The following TRAPPC9 variants were observed in gnomAD, a reference collection of about 807,000 sequenced individuals.
The protein encoded by TRAPPC9 is IKK2 binding protein.
TRAPPC9 carries 83 observed loss-of-function variants against 124.0 expected under a neutral mutation model. That is an observed-to-expected ratio of 0.67 (90% CI 0.56 to 0.80). The LOEUF is 0.80. Ranked by LOEUF, TRAPPC9 falls within the 30% of genes least tolerant of loss-of-function variation. The pLI is 0.00. For synonymous variants in TRAPPC9, 638 were observed against 617.5 expected (o/e 1.03, Z -0.49); for missense variants, 1,302 against 1,508.3 (o/e 0.86, Z 2.27).
chr8:140,296,503 C>A (rs894277012), intron 11 of TRAPPC9, among the ~76,000 whole-genome samples: 1 of 152,164 alleles, frequency 6.6e-6, no homozygotes, highest in Non-Finnish European at 1.5e-5. Context: ...TGGGCTCAAG[C>A]AATCCACCAG....
chr8:139,824,511 A>G (rs1825486438), intron 21 of TRAPPC9, among the ~76,000 whole-genome samples: 1 of 152,174 alleles, frequency 6.6e-6, no homozygotes, highest in Non-Finnish European at 1.5e-5. Flanking sequence ...CACCCGTTTT[A>G]AGGGATTTAA....
At chr8:140,361,436 A>T (rs1396055957) in intron 8 of TRAPPC9, among the ~76,000 whole-genome samples, 1 of 152,228 alleles carries the variant, frequency 6.6e-6, no homozygotes, top group African/African-American at 2.4e-5. Context: ...CTCGATGAGA[A>T]GGGGGCCACG....
At chr8:139,871,330 T>C (rs540973320) in intron 21 of TRAPPC9, among the ~76,000 whole-genome samples, 1 of 152,314 alleles carries the variant, frequency 6.6e-6, no homozygotes, top group East Asian at 1.9e-4. Flanking sequence ...ACCTGCTACT[T>C]GCCACTCTAT....
rs1293571071 is a variant in TRAPPC9 at position 139,861,897 on chromosome 8, G to A, written c.3055+23982C>T. Among the ~76,000 whole-genome samples, 3 of 134,122 alleles carry A rather than the reference G, an allele frequency of 2.2e-5. No individual in the cohort carries two copies. The South Asian group carries it at 8.3e-4, about 37-fold the overall frequency. 88.0% of individuals were successfully genotyped at this position (134,122 alleles called of 152,430 possible). ...CTGGGGCCTCCCAGGTAGACCAAGG[G>A]TGAAATGGTCACCTCCCTGGAAAGG... On this transcript the variant is annotated intron_variant, in intron 21 of 22. Transcript: ENST00000438773.
At chr8:139,913,739 G>C (rs1040327255) in intron 19 of TRAPPC9, among the ~76,000 whole-genome samples, 1 of 152,170 alleles carries the variant, frequency 6.6e-6, no homozygotes, top group African/African-American at 2.4e-5. Context: ...CCAAGAAATC[G>C]AGTGACTCAC....
intron 17 of TRAPPC9, among the ~76,000 whole-genome samples, chr8:140,159,945 CAAATTTATAAGAAA>C (rs1017251506): frequency 1.1e-4 from 16 of 151,890 alleles, no homozygotes; most frequent in African/African-American, 3.9e-4. Context: ...CGAACTTAAA[CAAATTTATAAGAAA>C]AAAACAACCC....
At chr8:140,456,926 G>T in intron 1 of TRAPPC9, 1 of 689,228 alleles carries the variant, frequency 1.5e-6, no homozygotes, top group Non-Finnish European at 1.8e-6. Flanking sequence ...GGTCTGCAGG[G>T]GTGGAGGGGA....
intron 19 of TRAPPC9, among the ~76,000 whole-genome samples, chr8:139,915,070 G>A (rs941341598): frequency 4.6e-5 from 7 of 152,232 alleles, no homozygotes; most frequent in African/African-American, 1.4e-4. Flanking sequence ...GAGGAAACCC[G>A]CGCAGAACTG....
intron 17 of TRAPPC9, among the ~76,000 whole-genome samples, chr8:140,149,739 G>A (rs1302087655): frequency 6.6e-6 from 1 of 152,082 alleles, no homozygotes; most frequent in African/African-American, 2.4e-5. Flanking sequence ...GAATGTACGT[G>A]AGTCATCATC....
chr8:139,912,660 C>G (rs142293478), intron 19 of TRAPPC9, among the ~76,000 whole-genome samples: 23 of 152,358 alleles, frequency 1.5e-4, no homozygotes, highest in African/African-American at 5.5e-4. Context: ...AGTTTTGAAT[C>G]TTTGCTAGTA....
chr8:140,314,192 G>A (rs1245383210), intron 9 of TRAPPC9, among the ~76,000 whole-genome samples: 1 of 152,184 alleles, frequency 6.6e-6, no homozygotes, highest in Admixed American at 6.5e-5. Flanking sequence ...TATTTACTGA[G>A]TGGAAAACTA....
chr8:140,047,427 G>C (rs986006324), intron 17 of TRAPPC9, among the ~76,000 whole-genome samples: 1 of 152,254 alleles, frequency 6.6e-6, no homozygotes, highest in Non-Finnish European at 1.5e-5. Context: ...TGGCACCGGA[G>C]AGCCAGGCAT....
chr8:139,985,824 T>TTAA (rs1334537399), intron 19 of TRAPPC9, among the ~76,000 whole-genome samples: 1 of 152,150 alleles, frequency 6.6e-6, no homozygotes, highest in Non-Finnish European at 1.5e-5. Flanking sequence ...AGTGGCATAT[T>TTAA]TACACAATGA....
chr8:140,176,204 G>A (rs1003828534), intron 17 of TRAPPC9, among the ~76,000 whole-genome samples: 1 of 152,204 alleles, frequency 6.6e-6, no homozygotes. Flanking sequence ...GCCACTCCAA[G>A]TGTATGCAAA....
intron 21 of TRAPPC9, among the ~76,000 whole-genome samples, chr8:139,870,802 C>T (rs1338322240): frequency 6.6e-6 from 1 of 152,180 alleles, no homozygotes; most frequent in Non-Finnish European, 1.5e-5. Context: ...TCCTTTCTTA[C>T]CTCCTAAATT....
chr8:140,249,451 T>A (rs2064073137), intron 16 of TRAPPC9, among the ~76,000 whole-genome samples: 1 of 152,190 alleles, frequency 6.6e-6, no homozygotes, highest in Non-Finnish European at 1.5e-5. Context: ...TTAGGTCGAT[T>A]CCACATATTT....
At chr8:139,886,068 A>G (rs1829997759) in intron 20 of TRAPPC9, 99 bp from the exon 21 acceptor site, 1 of 1,091,768 alleles carries the variant, frequency 9.2e-7, no homozygotes, top group Non-Finnish European at 1.4e-6. Context: ...GAAACCTCCT[A>G]CAGCAGATGT....
chr8:140,290,602 T>A (rs1417965599), intron 12 of TRAPPC9, among the ~76,000 whole-genome samples: 2 of 152,156 alleles, frequency 1.3e-5, no homozygotes, highest in East Asian at 3.8e-4. Context: ...AGCTTGTTCT[T>A]CCCTGGGGCC....
intron 21 of TRAPPC9, among the ~76,000 whole-genome samples, chr8:139,857,480 C>T (rs1563867745): frequency 6.6e-6 from 1 of 152,182 alleles, no homozygotes; most frequent in Admixed American, 6.5e-5. Context: ...ACACAATAAA[C>T]ACATGGGGCA....
Sources: gnomAD v4.1 joint callset for allele counts (sites outside exome capture counted in the v4.1 genomes callset) on GRCh38, gnomAD v4.1.1 for gene constraint, MANE v1.5 for transcripts, NCBI Gene and HGNC (gene_info 2026-07-23, HGNC 2026-07-21) for gene names.